The following ANKS1B variants were observed in gnomAD, a reference collection of about 807,000 sequenced individuals.
The protein encoded by ANKS1B is ankyrin repeat and sterile alpha motif domain-containing protein 1B.
Under a neutral mutation model 148.3 loss-of-function variants are expected in ANKS1B, and 36 were observed. The ratio of observed to expected loss-of-function variants is 0.24; its 90% CI spans 0.19 to 0.32. The LOEUF (loss-of-function observed/expected upper bound fraction) is 0.32. ANKS1B is among the 10% of genes least tolerant of loss of function. The pLI is 1.00. For missense variants in ANKS1B, 1,157 were observed against 1,542.6 expected, an observed-to-expected ratio of 0.75 and a Z score of 4.19; for synonymous variants, 542 against 560.8, an observed-to-expected ratio of 0.97 and a Z score of 0.47.
intron 12 of ANKS1B, among the ~76,000 whole-genome samples, chr12:99,280,928 T>TACACACAC (rs144380879): frequency 6.8e-6 from 1 of 147,382 alleles, no homozygotes; most frequent in African/African-American, 2.5e-5. Context: ...CGTGCGCACA[T>TACACACAC]ACACACACAC....
At chr12:99,046,816 AG>A (rs56658078) in intron 17 of ANKS1B, among the ~76,000 whole-genome samples, 78,950 of 124,590 alleles carry the variant, frequency 0.63, 23,244 homozygotes, top group Admixed American at 0.74. Flanking sequence ...TTAAAAAAAA[AG>A]AAAAAAAAAA....
At chr12:99,451,340 C>G (rs902730088) in intron 10 of ANKS1B, among the ~76,000 whole-genome samples, 5 of 152,022 alleles carry the variant, frequency 3.3e-5, no homozygotes, top group East Asian at 3.9e-4. Context: ...ACATCAATAC[C>G]CAGCATGTAA....
chr12:99,516,417 G>A (rs2153044930), intron 9 of ANKS1B, among the ~76,000 whole-genome samples: 1 of 152,138 alleles, frequency 6.6e-6, no homozygotes, highest in Non-Finnish European at 1.5e-5. Context: ...CCATAAAAAG[G>A]AACAAGATCA....
chr12:98,878,689 A>C (rs2099698407), intron 17 of ANKS1B, among the ~76,000 whole-genome samples: 1 of 152,192 alleles, frequency 6.6e-6, no homozygotes, highest in South Asian at 2.1e-4. Flanking sequence ...AAAATTAAGT[A>C]TTTAATGCGA....
chr12:98,973,761 A>G (rs2099886069), intron 17 of ANKS1B, among the ~76,000 whole-genome samples: 1 of 152,118 alleles, frequency 6.6e-6, no homozygotes, highest in South Asian at 2.1e-4. Flanking sequence ...ATTTTAATAT[A>G]AGTTATTGTT....
At chr12:99,407,249 A>G (rs2094552754) in intron 11 of ANKS1B, among the ~76,000 whole-genome samples, 1 of 146,290 alleles carries the variant, frequency 6.8e-6, no homozygotes, top group South Asian at 2.1e-4. Flanking sequence ...AGATAATACA[A>G]CATACCAGCA....
intron 11 of ANKS1B, among the ~76,000 whole-genome samples, chr12:99,440,866 A>G (rs796243195): frequency 1.3e-4 from 19 of 151,980 alleles, no homozygotes; most frequent in African/African-American, 4.6e-4. Flanking sequence ...CCAATTTGCT[A>G]CATCTAAGTA....
At chr12:99,566,642 G>A (rs1220462689) in intron 9 of ANKS1B, among the ~76,000 whole-genome samples, 1 of 152,116 alleles carries the variant, frequency 6.6e-6, no homozygotes, top group Non-Finnish European at 1.5e-5. Flanking sequence ...GGAACTAACG[G>A]CTTTATAAGA....
chr12:98,845,928 T>C (rs1269040866), intron 17 of ANKS1B, among the ~76,000 whole-genome samples: 1 of 151,382 alleles, frequency 6.6e-6, no homozygotes, highest in African/African-American at 2.4e-5. Flanking sequence ...AAAAAGATAC[T>C]TTTTTTTCTG....
chr12:98,972,011 TA>T (rs1174770376), intron 17 of ANKS1B, among the ~76,000 whole-genome samples: 1 of 151,978 alleles, frequency 6.6e-6, no homozygotes, highest in Non-Finnish European at 1.5e-5. Context: ...CTACTAAAAA[TA>T]CAAAAATTAG....
intron 16 of ANKS1B, among the ~76,000 whole-genome samples, chr12:99,060,704 T>C (rs1045272705): frequency 4.7e-4 from 62 of 131,260 alleles, no homozygotes; most frequent in African/African-American, 8.8e-4. Context: ...CACACACATA[T>C]ATATAGAGAG....
At chr12:99,068,821 G>T (rs1394806516) in intron 16 of ANKS1B, among the ~76,000 whole-genome samples, 1 of 151,992 alleles carries the variant, frequency 6.6e-6, no homozygotes. Flanking sequence ...AGCATCCTCT[G>T]TCTGAAGTGA....
chr12:99,322,939 A>G (rs777946112), intron 12 of ANKS1B, among the ~76,000 whole-genome samples: 1 of 152,122 alleles, frequency 6.6e-6, no homozygotes, highest in Non-Finnish European at 1.5e-5. Context: ...CCACCATGTA[A>G]CATGTGTCTT....
intron 12 of ANKS1B, among the ~76,000 whole-genome samples, chr12:99,316,850 G>A (rs962513918): frequency 3.9e-5 from 6 of 152,162 alleles, no homozygotes; most frequent in African/African-American, 1.2e-4. Context: ...TTTTGTATAA[G>A]GTGTAAGGAA....
At chr12:99,115,853 AC>A (rs575831127) in intron 15 of ANKS1B, among the ~76,000 whole-genome samples, 317 of 149,680 alleles carry the variant, frequency 2.1e-3, no homozygotes, top group Non-Finnish European at 3.7e-3. Flanking sequence ...AATCACTTGA[AC>A]CCAGGAGGCA....
chr12:98,834,928 A>G (rs113233897), intron 17 of ANKS1B, among the ~76,000 whole-genome samples: 221 of 152,172 alleles, frequency 1.5e-3, no homozygotes, highest in African/African-American at 4.9e-3. Context: ...ATTCTCTTTT[A>G]TTCTCATCCT....
chr12:99,669,315 A>T (rs2098525352), intron 8 of ANKS1B, among the ~76,000 whole-genome samples: 1 of 151,988 alleles, frequency 6.6e-6, no homozygotes, highest in Non-Finnish European at 1.5e-5. Context: ...GGACTACAGG[A>T]ATGTCCCACC....
At chr12:99,513,798 C>T (rs2153037972) in intron 9 of ANKS1B, among the ~76,000 whole-genome samples, 1 of 152,124 alleles carries the variant, frequency 6.6e-6, no homozygotes, top group Non-Finnish European at 1.5e-5. Context: ...GAACAACTTC[C>T]AAAGTATCTT....
chr12:99,730,088 A>T (rs1163137487), intron 8 of ANKS1B, among the ~76,000 whole-genome samples: 1 of 152,210 alleles, frequency 6.6e-6, no homozygotes, highest in Non-Finnish European at 1.5e-5. Flanking sequence ...ACCACGTCCA[A>T]CTGTTAAGCT....
Sources: gnomAD v4.1 joint callset for allele counts (sites outside exome capture counted in the v4.1 genomes callset) on GRCh38, gnomAD v4.1.1 for gene constraint, MANE v1.5 for transcripts, NCBI Gene and HGNC (gene_info 2026-07-23, HGNC 2026-07-21) for gene names.